The following CALN1 variants were observed in gnomAD, a reference collection of about 807,000 sequenced individuals.
The protein encoded by CALN1 is calneuron 1, also known as calcium-binding protein 8.
CALN1 carries 17 observed loss-of-function variants against 30.6 expected under a neutral mutation model. The observed-to-expected ratio is 0.56, with a 90% CI of 0.38 to 0.83. CALN1 has a LOEUF of 0.83. Among genes scored for constraint, CALN1 ranks in the 40% least tolerant of loss-of-function variants. The pLI is 0.00. For missense variants in CALN1, 291 were observed against 354.9 expected (o/e 0.82, Z 1.45); for synonymous variants, 156 against 131.4 (o/e 1.19, Z -1.28).
At chr7:72,295,840 T>C (rs903296519) in intron 2 of CALN1, among the ~76,000 whole-genome samples, 16 of 151,884 alleles carry the variant, frequency 1.1e-4, no homozygotes, top group African/African-American at 2.9e-4. Flanking sequence ...CTTTTCCTAA[T>C]TGAATACCCT....
chr7:71,795,022 CTTTTCTTT>C (rs1187721329), intron 6 of CALN1, among the ~76,000 whole-genome samples: 1 of 151,788 alleles, frequency 6.6e-6, no homozygotes, highest in Non-Finnish European at 1.5e-5. Context: ...TATTTTTTTT[CTTTTCTTT>C]TTTTCTTTTT....
chr7:72,382,085 A>T (rs960142742), intron 2 of CALN1, among the ~76,000 whole-genome samples: 2 of 152,206 alleles, frequency 1.3e-5, no homozygotes, highest in African/African-American at 4.8e-5. Context: ...ACTGCAATGT[A>T]CAAACAAAAC....
intron 6 of CALN1, among the ~76,000 whole-genome samples, chr7:71,788,994 G>C (rs532514115): frequency 2.6e-4 from 39 of 152,124 alleles, no homozygotes; most frequent in African/African-American, 8.9e-4. Context: ...GTAGAGATGG[G>C]GTCTTGCTAT....
At chr7:72,285,465 G>C (rs781621727) in intron 2 of CALN1, among the ~76,000 whole-genome samples, 11 of 152,036 alleles carry the variant, frequency 7.2e-5, no homozygotes, top group East Asian at 1.9e-4. Flanking sequence ...GGATAGTCTC[G>C]ATCTCCTGAC....
intron 2 of CALN1, among the ~76,000 whole-genome samples, chr7:72,306,687 G>A (rs1363102464): frequency 6.6e-6 from 1 of 151,404 alleles, no homozygotes; most frequent in Non-Finnish European, 1.5e-5. Flanking sequence ...TTTACCTATA[G>A]CCTAGAAGCC....
chr7:72,358,963 C>CAA (rs545772468), intron 2 of CALN1, among the ~76,000 whole-genome samples: 1,560 of 137,766 alleles, frequency 0.011, 30 homozygotes, highest in African/African-American at 0.038. Context: ...GACTCTACCT[C>CAA]AAAAAAAAAA....
At chr7:72,008,068 G>C (rs1239214267) in intron 5 of CALN1, among the ~76,000 whole-genome samples, 1 of 152,182 alleles carries the variant, frequency 6.6e-6, no homozygotes, top group Non-Finnish European at 1.5e-5. Flanking sequence ...ATTTTTAGTG[G>C]AAAGGGGTCA....
At chr7:72,376,571 G>C (rs1196539090) in intron 2 of CALN1, among the ~76,000 whole-genome samples, 1 of 152,060 alleles carries the variant, frequency 6.6e-6, no homozygotes, top group Non-Finnish European at 1.5e-5. Context: ...TTGTCTTTTT[G>C]TTGAATTGTG....
the CALN1 span, among the ~76,000 whole-genome samples, chr7:72,473,381 CA>C: frequency 6.6e-6 from 1 of 152,102 alleles, no homozygotes; most frequent in Non-Finnish European, 1.5e-5. Flanking sequence ...AGGTTCCCCT[CA>C]TCCCCTCCCA....
intron 2 of CALN1, among the ~76,000 whole-genome samples, chr7:72,383,915 G>A (rs1805057530): frequency 6.6e-6 from 1 of 152,116 alleles, no homozygotes; most frequent in South Asian, 2.1e-4. Flanking sequence ...TTGTTACATA[G>A]GGATACATGT....
At chr7:72,243,744 T>C (rs1321352709) in intron 3 of CALN1, among the ~76,000 whole-genome samples, 1 of 152,144 alleles carries the variant, frequency 6.6e-6, no homozygotes, top group African/African-American at 2.4e-5. Context: ...GACAGCAAAG[T>C]GGGCCATAGA....
intron 5 of CALN1, among the ~76,000 whole-genome samples, chr7:71,929,500 G>A (rs1220786247): frequency 6.6e-6 from 1 of 152,200 alleles, no homozygotes; most frequent in Non-Finnish European, 1.5e-5. Context: ...GTATTCCATG[G>A]TGTATATGTA....
At chr7:72,460,524 C>G in the CALN1 span, among the ~76,000 whole-genome samples, 1 of 151,894 alleles carries the variant, frequency 6.6e-6, no homozygotes, top group South Asian at 2.1e-4. Context: ...CCCAGCTACT[C>G]AGGAGGCTGA....
chr7:72,143,339 A>G (rs1810096008), intron 3 of CALN1, among the ~76,000 whole-genome samples: 1 of 152,244 alleles, frequency 6.6e-6, no homozygotes. Flanking sequence ...CACAAGCTTC[A>G]GTAGCCGATT....
chr7:72,165,257 T>G (rs1788439582), intron 3 of CALN1, among the ~76,000 whole-genome samples: 1 of 152,186 alleles, frequency 6.6e-6, no homozygotes, highest in African/African-American at 2.4e-5. Context: ...GTAAGAAGGA[T>G]GGTAGAAACT....
At chr7:72,027,783 C>T (rs796384619) in intron 4 of CALN1, among the ~76,000 whole-genome samples, 17 of 148,244 alleles carry the variant, frequency 1.1e-4, no homozygotes, top group African/African-American at 2.7e-4. Flanking sequence ...CCTGGCCGGG[C>T]GCGGTGGCTC....
At chr7:72,408,674 C>CTTTT (rs1562955748) in intron 1 of CALN1, among the ~76,000 whole-genome samples, 2 of 15,960 alleles carry the variant, frequency 1.3e-4, no homozygotes, top group Non-Finnish European at 2.5e-4. Flanking sequence ...ATTATCTTTT[C>CTTTT]CTTTTTTTTT....
intron 5 of CALN1, among the ~76,000 whole-genome samples, chr7:71,985,255 C>T (rs1034662477): frequency 2.6e-5 from 4 of 152,112 alleles, no homozygotes; most frequent in Non-Finnish European, 4.4e-5. Context: ...TCACACTCTG[C>T]GTATTGGCAA....
intron 5 of CALN1, among the ~76,000 whole-genome samples, chr7:71,894,055 C>T (rs528609302): frequency 6.6e-6 from 1 of 152,198 alleles, no homozygotes; most frequent in Non-Finnish European, 1.5e-5. Context: ...AGGACTCAAA[C>T]TCCTATAGCT....
Sources: allele counts gnomAD v4.1 joint callset (sites outside exome capture counted in the v4.1 genomes callset), GRCh38; gene constraint gnomAD v4.1.1; transcripts MANE v1.5; gene names NCBI Gene and HGNC (gene_info 2026-07-23, HGNC 2026-07-21).